The following MAGI1 variants were observed in gnomAD, a reference collection of about 807,000 sequenced individuals.
MAGI1 encodes the protein membrane-associated guanylate kinase, WW and PDZ domain-containing protein 1.
Under a neutral mutation model 139.9 loss-of-function variants are expected in MAGI1, and 58 were observed. That is an observed-to-expected ratio of 0.41 (90% CI 0.34 to 0.52). MAGI1 has a LOEUF of 0.52. Ranked by LOEUF, MAGI1 falls within the 20% of genes least tolerant of loss-of-function variation. The pLI is 0.12. For missense variants in MAGI1, 1,874 were observed against 1,901.6 expected, an observed-to-expected ratio of 0.99 and a Z score of 0.27; for synonymous variants, 812 against 737.9, an observed-to-expected ratio of 1.10 and a Z score of -1.63.
At chr3:65,957,011 T>C (rs1425606912) in intron 1 of MAGI1, among the ~76,000 whole-genome samples, 1 of 151,778 alleles carries the variant, frequency 6.6e-6, no homozygotes, top group Non-Finnish European at 1.5e-5. Context: ...CAAAAAAAAT[T>C]ATGTTATTGG....
At chr3:65,538,356 A>G (rs2079053112) in intron 2 of MAGI1, among the ~76,000 whole-genome samples, 2 of 152,156 alleles carry the variant, frequency 1.3e-5, no homozygotes, top group South Asian at 4.1e-4. Context: ...CTCAGGGGAT[A>G]TTCTCTGGCC....
At chr3:65,571,793 A>G (rs1410646825) in intron 2 of MAGI1, among the ~76,000 whole-genome samples, 3 of 152,076 alleles carry the variant, frequency 2.0e-5, no homozygotes, top group Non-Finnish European at 2.9e-5. Context: ...TTGTCCCATT[A>G]ATAATGTGCA....
intron 1 of MAGI1, among the ~76,000 whole-genome samples, chr3:65,636,742 T>G (rs1251198987): frequency 1.4e-5 from 2 of 145,878 alleles, no homozygotes; most frequent in Admixed American, 6.8e-5. Flanking sequence ...ACACACACAT[T>G]AAGCCATTTA....
intron 1 of MAGI1, among the ~76,000 whole-genome samples, chr3:65,667,970 C>T (rs1434992931): frequency 1.3e-5 from 2 of 152,146 alleles, no homozygotes; most frequent in Non-Finnish European, 2.9e-5. Context: ...AGTTTGCTCC[C>T]TGTGTAATGT....
intron 1 of MAGI1, among the ~76,000 whole-genome samples, chr3:65,819,329 T>A (rs1056962885): frequency 6.6e-6 from 1 of 152,126 alleles, no homozygotes; most frequent in South Asian, 2.1e-4. Flanking sequence ...AAACAAGGCA[T>A]ATGATCTCCC....
chr3:65,918,732 C>G (rs2062028047), intron 1 of MAGI1, among the ~76,000 whole-genome samples: 1 of 152,056 alleles, frequency 6.6e-6, no homozygotes, highest in Non-Finnish European at 1.5e-5. Flanking sequence ...TGTTTTCATC[C>G]TATTGCTTGG....
At chr3:65,510,266 C>T (rs565352635) in intron 2 of MAGI1, among the ~76,000 whole-genome samples, 17 of 152,320 alleles carry the variant, frequency 1.1e-4, no homozygotes, top group East Asian at 3.9e-4. Context: ...TCCAAAGGAA[C>T]GCAGTTCCTC....
intron 1 of MAGI1, among the ~76,000 whole-genome samples, chr3:65,738,686 C>CAT (rs2034994268): frequency 6.6e-6 from 1 of 152,226 alleles, no homozygotes; most frequent in African/African-American, 2.4e-5. Flanking sequence ...AAACAACATT[C>CAT]ATCTCCATGT....
Position 65,359,689 on chromosome 3 carries a change from T to C in MAGI1, c.3634+1510A>G, listed in dbSNP as rs918598879. ...AGAGAGATTTAGTCCAAGTGACGCATGGAGACATTACAGTAGCACAACCCT... is the reference window on the plus strand; with the variant it reads ...AGAGAGATTTAGTCCAAGTGACGCACGGAGACATTACAGTAGCACAACCCT... On this transcript the variant is annotated intron_variant, in intron 22 of 22. Transcript: ENST00000402939. 20 of 987,284 alleles carry C rather than the reference T, an allele frequency of 2.0e-5. No homozygotes were observed. The Admixed American group carries it at 6.0e-4, about 29-fold the overall frequency. The allele number at this position is 987,284 out of a possible 1,614,324, so 61.2% of individuals were successfully genotyped here. A position where few individuals can be genotyped will look rare whatever the true frequency, so the allele number is the denominator to read the frequency against.
chr3:65,549,009 G>A (rs1454275708), intron 2 of MAGI1, among the ~76,000 whole-genome samples: 4 of 152,164 alleles, frequency 2.6e-5, no homozygotes, highest in Admixed American at 6.5e-5. Context: ...CTGGCCCTAG[G>A]CGGAACGAGC....
intron 1 of MAGI1, among the ~76,000 whole-genome samples, chr3:65,679,095 T>G (rs1284982579): frequency 1.3e-5 from 2 of 152,186 alleles, no homozygotes; most frequent in African/African-American, 4.8e-5. Context: ...CAAAGCAATT[T>G]TCCCCTACAG....
intron 1 of MAGI1, among the ~76,000 whole-genome samples, chr3:66,027,471 G>C (rs2068348227): frequency 6.6e-6 from 1 of 151,972 alleles, no homozygotes; most frequent in Non-Finnish European, 1.5e-5. Flanking sequence ...CCATGCCCCT[G>C]CTGTCAAGGC....
chr3:65,963,716 C>T (rs1014730872), intron 1 of MAGI1, among the ~76,000 whole-genome samples: 2 of 152,206 alleles, frequency 1.3e-5, no homozygotes, highest in Non-Finnish European at 2.9e-5. Context: ...GGGCCCTATG[C>T]GAACTACTTT....
chr3:65,777,501 C>T (rs1049523870), intron 1 of MAGI1, among the ~76,000 whole-genome samples: 19 of 151,920 alleles, frequency 1.3e-4, no homozygotes, highest in Admixed American at 3.3e-4. Context: ...TGGCAAAGTG[C>T]GGTTGCTTAC....
At chr3:66,004,404 C>T (rs758534828) in intron 1 of MAGI1, among the ~76,000 whole-genome samples, 2 of 152,148 alleles carry the variant, frequency 1.3e-5, no homozygotes, top group African/African-American at 4.8e-5. Context: ...GGCCTCTCTG[C>T]GTGGTCTCTC....
At chr3:65,605,034 T>G (rs1348905249) in intron 2 of MAGI1, among the ~76,000 whole-genome samples, 2 of 152,214 alleles carry the variant, frequency 1.3e-5, no homozygotes, top group Non-Finnish European at 2.9e-5. Flanking sequence ...CATGAAAATA[T>G]GCAACTTAAG....
intron 2 of MAGI1, among the ~76,000 whole-genome samples, chr3:65,605,328 T>A (rs2082686171): frequency 6.6e-6 from 1 of 152,186 alleles, no homozygotes; most frequent in African/African-American, 2.4e-5. Flanking sequence ...ACCATGTGCA[T>A]CTTTGAAAAA....
intron 1 of MAGI1, among the ~76,000 whole-genome samples, chr3:65,654,440 A>G (rs1285186462): frequency 3.9e-5 from 6 of 152,218 alleles, no homozygotes; most frequent in African/African-American, 1.4e-4. Flanking sequence ...ACCTATCATG[A>G]CTGTAAACAA....
In MAGI1 at chr3:65,493,609, T is replaced by G; in HGVS notation, c.453A>C (p.Glu151Asp). Reference protein sequence around the residue: ...AVPCTTRSPREGEVPGVDYNF... With the variant: ...AVPCTTRSPRDGEVPGVDYNF... Reference sequence around the variant, plus strand: ...TATAGTCCACGCCAGGCACTTCTCCTTCTCTGGGAGATCGGGTTGTGCCTG... The same window carrying G: ...TATAGTCCACGCCAGGCACTTCTCCGTCTCTGGGAGATCGGGTTGTGCCTG... The change falls in exon 3 of 23, where the codon GAA (glutamate) becomes GAC (aspartate). Residue 151 changes from glutamate to aspartate, a missense_variant. Glu to Asp is a conservative substitution (Grantham distance 45, BLOSUM62 2). Around this residue, in one of 5 missense-constraint regions of MAGI1, gnomAD observed 648 missense variants for 598.1 expected, o/e 1.08. Coordinates refer to ENST00000402939, the MANE Select transcript of MAGI1 (RefSeq NM_001033057.2). 6 of 1,614,186 alleles carry G rather than the reference T, an allele frequency of 3.7e-6. No homozygotes were observed. Among genetic ancestry groups the G allele is most frequent in the Non-Finnish European group, 5.1e-6 (6 of 1,180,028 alleles).
Sources: gnomAD v4.1 joint callset for allele counts (sites outside exome capture counted in the v4.1 genomes callset) on GRCh38, gnomAD v4.1.1 for gene constraint, gnomAD v4.1.1 regional missense constraint, MANE v1.5 for transcripts, NCBI Gene and HGNC (gene_info 2026-07-23, HGNC 2026-07-21) for gene names.